The following ALG8 variants were observed in gnomAD, a reference collection of about 807,000 sequenced individuals.
The protein encoded by ALG8 is dolichyl pyrophosphate Glc1Man9GlcNAc2 alpha-1,3-glucosyltransferase.
A neutral mutation model predicts 70.2 loss-of-function variants in ALG8; 48 were observed. The observed-to-expected ratio is 0.68, with a 90% CI of 0.54 to 0.87. The LOEUF is 0.87. Ranked by LOEUF, ALG8 falls within the 40% of genes least tolerant of loss-of-function variation. ALG8 has a pLI of 0.00. For synonymous variants in ALG8, 234 were observed against 229.0 expected, an observed-to-expected ratio of 1.02 and a Z score of -0.20; for missense variants, 572 against 608.7, an observed-to-expected ratio of 0.94 and a Z score of 0.64.
chr11:78,101,353 G>C (rs990236299), intron 12 of ALG8, among the ~76,000 whole-genome samples, 158 bp from the exon 13 acceptor site: 1 of 152,236 alleles, frequency 6.6e-6, no homozygotes, highest in South Asian at 2.1e-4. Context: ...TTAGGGCCAA[G>C]TGCAGAGGCT....
chr11:78,135,884 A>G (rs1443819364), intron 1 of ALG8, among the ~76,000 whole-genome samples: 4 of 151,024 alleles, frequency 2.6e-5, no homozygotes, highest in Admixed American at 6.6e-5. Flanking sequence ...AAAGAAAAAT[A>G]ATGGGTGGGT....
rs574081555 is a variant in ALG8 at position 78,115,642 on chromosome 11, C to T, written c.547-1250G>A. ...TCAACTGATCCACCTGTCTCAGCCTCCCAAAGTGCTGGGATTACAGGCATG... is the reference window on the plus strand; with the variant it reads ...TCAACTGATCCACCTGTCTCAGCCTTCCAAAGTGCTGGGATTACAGGCATG... On this transcript the variant is annotated intron_variant, in intron 5 of 12. Transcript: ENST00000299626. Among the ~76,000 whole-genome samples the T allele has an allele frequency of 1.6e-4, 24 of 152,304 alleles. 1 individual carries two copies. The South Asian group carries it at 5.0e-3, about 32-fold the overall frequency.
At chr11:78,103,899 A>G (rs1207432022) in intron 12 of ALG8, 81 bp downstream of exon 12, 1 of 776,362 alleles carries the variant, frequency 1.3e-6, no homozygotes, top group African/African-American at 1.8e-5. Context: ...ACTTAAAAAT[A>G]AAATTTAAAG....
chr11:78,118,594 C>T (rs559063112), intron 5 of ALG8, among the ~76,000 whole-genome samples: 62 of 115,046 alleles, frequency 5.4e-4, no homozygotes, highest in Admixed American at 1.2e-3. Context: ...CCAGCCTGGG[C>T]GATAGAGCGA....
At chr11:78,115,701 T>G (rs745713916) in intron 5 of ALG8, among the ~76,000 whole-genome samples, 18 of 152,200 alleles carry the variant, frequency 1.2e-4, no homozygotes, top group Non-Finnish European at 2.4e-4. Context: ...GCTTTTATAC[T>G]GAGTCTAATG....
intron 2 of ALG8, among the ~76,000 whole-genome samples, chr11:78,125,782 CT>C (rs2136929400): frequency 6.6e-6 from 1 of 152,114 alleles, no homozygotes; most frequent in African/African-American, 2.4e-5. Context: ...GCACTCCGGC[CT>C]GGGTGAGAGT....
chr11:78,113,709 T>A (rs1189409266), intron 7 of ALG8, among the ~76,000 whole-genome samples, 177 bp downstream of exon 7: 1 of 83,140 alleles, frequency 1.2e-5, no homozygotes, highest in Non-Finnish European at 2.3e-5. Context: ...TGAGACTCCA[T>A]CTTAAACAAA....
At chr11:78,121,022 A>C (rs376537848) in intron 4 of ALG8, 43 bp downstream of exon 4, 28 of 1,465,644 alleles carry the variant, frequency 1.9e-5, no homozygotes, top group Non-Finnish European at 2.7e-5. Context: ...ATTAGTATAC[A>C]TCAGAATTAG....
intron 12 of ALG8, among the ~76,000 whole-genome samples, chr11:78,102,558 T>C (rs1409872917): frequency 6.6e-6 from 1 of 152,186 alleles, no homozygotes; most frequent in Non-Finnish European, 1.5e-5. Context: ...CTTTTGGGTA[T>C]AGGGGTGGAA....
chr11:78,119,995 G>T (rs571952527), intron 4 of ALG8, among the ~76,000 whole-genome samples: 7 of 151,928 alleles, frequency 4.6e-5, no homozygotes, highest in Admixed American at 3.9e-4. Flanking sequence ...CCAGCTACTC[G>T]GGAGGCTGAA....
intron 1 of ALG8, among the ~76,000 whole-genome samples, chr11:78,128,960 G>A (rs73501283): frequency 0.22 from 33,047 of 151,586 alleles, 4,442 homozygotes; most frequent in African/African-American, 0.38. Context: ...ACTAAGTTGT[G>A]GAGACAGACA....
In ALG8 at chr11:78,124,730, A is replaced by G. The variant is rs1292489078; in HGVS notation, c.175-516T>C. On this transcript the variant is annotated intron_variant, in intron 2 of 12. Transcript: ENST00000299626. ...TCTGTCTTAGAGACACAATTTCCCT[A>G]TTTGTAAAATGAGGTATTATGAAGA... Among the ~76,000 whole-genome samples, 3 of 152,192 alleles carry G rather than the reference A, an allele frequency of 2.0e-5. No homozygotes were observed. In the East Asian group the frequency reaches 5.8e-4, roughly 29 times the overall value.
rs1400969226 is a variant in ALG8 at position 78,114,000 on chromosome 11, G to A, written c.674-11C>T. The A allele has an allele frequency of 6.3e-7, 1 of 1,589,546 alleles. No homozygotes were observed. The highest frequency in any genetic ancestry group is 1.1e-5 in the South Asian group (1 of 87,808). On this transcript the variant is annotated splice_polypyrimidine_tract_variant and intron_variant, in intron 6 of 12. Coordinates refer to ENST00000299626, the MANE Select transcript of ALG8 (RefSeq NM_024079.5). ...ATCGAATAGACCCATCTACAGAAAA[G>A]GAACATTATCAGTAACCAGGAAGAT...
At chr11:78,113,477 C>G (rs981849055) in intron 7 of ALG8, among the ~76,000 whole-genome samples, 1 of 152,076 alleles carries the variant, frequency 6.6e-6, no homozygotes, top group Non-Finnish European at 1.5e-5. Context: ...CGTTGGGAGG[C>G]TGAGGCAGGT....
chr11:78,139,450 C>T (rs950077314), intron 1 of ALG8, 44 bp downstream of exon 1: 6 of 1,544,350 alleles, frequency 3.9e-6, no homozygotes, highest in African/African-American at 1.4e-5. Flanking sequence ...CCTGACCGAC[C>T]GCGGGGCCTC....
rs1270143753 is a variant in ALG8, at chr11:78,139,523, A to T, written c.66T>A (p.Thr22=). The T allele has an allele frequency of 6.4e-7, 1 of 1,562,866 alleles. No individual in the cohort carries two copies. Among genetic ancestry groups the T allele is most frequent in the Non-Finnish European group, 8.7e-7 (1 of 1,153,052 alleles). Residue 22 remains threonine, a synonymous_variant, in exon 1 of 13, where the codon ACT becomes ACA. Transcript: ENST00000299626. The stretch of plus-strand genomic sequence containing the variant: ...TGGGGATGAGAAGGCATTTGAGAAG[A>T]GTCACCCCGAGCGCCAAAGCCGAAA... ...NWFSALALGV[T]LLKCLLIPTY...
chr11:78,114,328 T>A lies in ALG8; in HGVS notation c.611A>T (p.Tyr204Phe), dbSNP rs1197208427. 6 of 1,614,072 alleles carry A rather than the reference T, an allele frequency of 3.7e-6. No homozygotes were observed. The highest frequency in any genetic ancestry group is 5.1e-6 in the Non-Finnish European group (6 of 1,179,972). Residue 204 changes from tyrosine (Y) to phenylalanine (F), a missense_variant, in exon 6 of 13, where the codon TAT (tyrosine) becomes TTT (phenylalanine). Physicochemically the swap from Tyr to Phe is conservative, Grantham distance 22. Transcript: ENST00000299626. Reference sequence around the variant, plus strand: ...ATATACACCATAAGCTGGTGCTACATAGAGGTAGATATGCTTGAAATGTAG... The same window carrying A: ...ATATACACCATAAGCTGGTGCTACAAAGAGGTAGATATGCTTGAAATGTAG... ...VLLHFKHIYL[Y>F]VAPAYGVYLL...
intron 1 of ALG8, 123 bp downstream of exon 1, chr11:78,139,371 A>G (rs954360803): frequency 5.1e-6 from 5 of 976,296 alleles, no homozygotes; most frequent in Non-Finnish European, 8.0e-6. Context: ...TAGCAAAGGC[A>G]GGATAGCGAC....
At chr11:78,106,585 TC>T (rs1374483043) in intron 10 of ALG8, among the ~76,000 whole-genome samples, 3 of 152,194 alleles carry the variant, frequency 2.0e-5, no homozygotes, top group African/African-American at 7.2e-5. Flanking sequence ...AGTGCTTCTT[TC>T]CAAAAACGCA....
Sources: gnomAD v4.1 joint callset for allele counts (sites outside exome capture counted in the v4.1 genomes callset) on GRCh38, gnomAD v4.1.1 for gene constraint, MANE v1.5 for transcripts, NCBI Gene and HGNC (gene_info 2026-07-23, HGNC 2026-07-21) for gene names.